Variants in PRPF4 observed in about 807,000 individuals in gnomAD.
PRPF4 encodes the protein U4/U6 small nuclear ribonucleoprotein Prp4.
In PRPF4, 14 loss-of-function variants were observed where a neutral mutation model predicts 72.2. The observed-to-expected ratio is 0.19, with a 90% CI of 0.13 to 0.30. PRPF4 has a LOEUF of 0.30. Ranked by LOEUF, PRPF4 falls within the 10% of genes least tolerant of loss-of-function variation. The probability of loss-of-function intolerance (pLI) is 1.00; values close to 1 mark genes in which losing one functional copy is unlikely to be tolerated. For synonymous variants in PRPF4, 225 were observed against 232.2 expected (o/e 0.97, Z 0.28); for missense variants, 478 against 653.9 (o/e 0.73, Z 2.93).
At chr9:113,283,340 C>T (rs1832337505) in intron 5 of PRPF4, 49 bp from the exon 6 acceptor site, 1 of 1,613,158 alleles carries the variant, frequency 6.2e-7, no homozygotes, top group Non-Finnish European at 8.5e-7. Flanking sequence ...ACATGTGGGT[C>T]CTTGTTTACA....
chr9:113,280,489 T>C (rs748848009), intron 3 of PRPF4, among the ~76,000 whole-genome samples: 1 of 152,226 alleles, frequency 6.6e-6, no homozygotes, highest in African/African-American at 2.4e-5. Context: ...TAGTTGAAAA[T>C]CTGCCTAGCC....
chr9:113,275,665 C>T lies in PRPF4; in HGVS notation c.-79C>T, dbSNP rs1832063199. ...GCACTTCCTGTCAGTGACGCACTTC[C>T]CCTCTGCTGGGCGCGCGGTGGACGG... On this transcript the variant is annotated 5_prime_UTR_variant, in exon 1 of 14. Transcript: ENST00000374198. 3 of 1,526,538 alleles carry T rather than the reference C, an allele frequency of 2.0e-6. No individual in the cohort carries two copies. The highest frequency in any genetic ancestry group is 2.4e-5 in the East Asian group (1 of 42,520). 94.6% of individuals were successfully genotyped at this position (1,526,538 alleles called of 1,614,324 possible).
rs754386040 is a variant in PRPF4, at chr9:113,286,724, A to C, written c.828A>C (p.Gly276=). 1 of 1,614,170 alleles carries C rather than the reference A, an allele frequency of 6.2e-7. No individual in the cohort carries two copies. Among genetic ancestry groups the C allele is most frequent in the Admixed American group, 1.7e-5 (1 of 60,028 alleles). The change falls in exon 9 of 14, where the codon GGA becomes GGC. Residue 276 remains glycine (G), a synonymous_variant. Coordinates refer to ENST00000374198, the MANE Select transcript of PRPF4 (RefSeq NM_001244926.2). The stretch of plus-strand genomic sequence containing the variant: ...CTTTAGGGCATAACACAAATGTAGG[A>C]GCAATTGTATTCCATCCCAAATCCA... ...HTLRGHNTNV[G]AIVFHPKSTV... is the part of the protein sequence containing the mutation.
chr9:113,277,264 AT>A (rs1438147223), intron 2 of PRPF4, among the ~76,000 whole-genome samples: 4 of 152,210 alleles, frequency 2.6e-5, no homozygotes, highest in Admixed American at 2.6e-4. Flanking sequence ...TTGGATTCAG[AT>A]TGATTCCATT....
At chr9:113,280,758 T>C (rs1258164844) in intron 3 of PRPF4, among the ~76,000 whole-genome samples, 2 of 152,264 alleles carry the variant, frequency 1.3e-5, no homozygotes, top group South Asian at 2.1e-4. Flanking sequence ...TTGGTCCTTA[T>C]GGAATATGCT....
chr9:113,285,395 T>A (rs1832407566), intron 7 of PRPF4, among the ~76,000 whole-genome samples: 1 of 95,204 alleles, frequency 1.1e-5, no homozygotes, highest in Non-Finnish European at 2.0e-5. Context: ...TTTTTTTTTT[T>A]TGAGACGGAG....
At chr9:113,279,400 G>C (rs1041075188) in intron 3 of PRPF4, among the ~76,000 whole-genome samples, 4 of 152,054 alleles carry the variant, frequency 2.6e-5, no homozygotes, top group African/African-American at 9.7e-5. Context: ...GTCTTGCTCT[G>C]TCACCCAGGC....
chr9:113,276,626 GAGA>G lies in PRPF4; in HGVS notation c.109_111del (p.Lys37del). ...ACACATCTATTATGGAAGTTTGGAA[GAGA>G]AGGAGAGGGAGCGTCTGGCCAAAGG... On this transcript the variant is annotated inframe_deletion, in exon 2 of 14. Transcript: ENST00000374198. 6.2e-7 allele frequency: 1 copy of G among 1,614,180 alleles called. No individual in the cohort carries two copies. Among genetic ancestry groups the G allele is most frequent in the Non-Finnish European group, 8.5e-7 (1 of 1,180,036 alleles).
At chr9:113,279,251 TAC>T (rs1250209977) in intron 3 of PRPF4, 120 bp downstream of exon 3, 11 of 941,168 alleles carry the variant, frequency 1.2e-5, no homozygotes, top group Non-Finnish European at 1.2e-5. Context: ...AACAATATCT[TAC>T]TGTGTTTATA....
At chr9:113,279,962 T>C (rs573561014) in intron 3 of PRPF4, among the ~76,000 whole-genome samples, 2 of 152,292 alleles carry the variant, frequency 1.3e-5, no homozygotes, top group East Asian at 1.9e-4. Flanking sequence ...CCCTCTGGTC[T>C]CTCTGTCCAC....
intron 13 of PRPF4, 22 bp downstream of exon 13, chr9:113,291,038 C>T (rs769930001): frequency 1.1e-5 from 17 of 1,588,140 alleles, no homozygotes; most frequent in Middle Eastern, 1.7e-4. Context: ...TCCTATTTTA[C>T]GTCTAAATGA....
At position 113,275,810 on chromosome 9, in the gene PRPF4, G is replaced by C; in HGVS notation, c.27+40G>C. 1.9e-6 allele frequency: 3 copies of C among 1,607,516 alleles called. No individual in the cohort carries two copies. The South Asian group carries it at 3.3e-5, about 18-fold the overall frequency. ...ATCCCAGCTCACTCTGGCAGGGAGC[G>C]CTAAGGGGGAAGGGGATCTCTGCGG... On this transcript the variant is annotated intron_variant, in intron 1 of 13. Transcript: ENST00000374198.
Position 113,283,457 on chromosome 9 carries a change from T to C in PRPF4, c.629T>C (p.Met210Thr). ...EIPETTRTSQ[M>T]QELHKSLRSL... ...CCTGAGACAACAAGGACCTCCCAGATGCAAGAGCTGCACAAGTCTCTCCGG... is the reference window on the plus strand; with the variant it reads ...CCTGAGACAACAAGGACCTCCCAGACGCAAGAGCTGCACAAGTCTCTCCGG... The change falls in exon 6 of 14, where the codon ATG (methionine) becomes ACG (threonine). Residue 210 changes from methionine to threonine, a missense_variant. Transcript: ENST00000374198. The C allele has an allele frequency of 6.2e-7, 1 of 1,614,122 alleles. No homozygotes were observed. The highest frequency in any genetic ancestry group is 8.5e-7 in the Non-Finnish European group (1 of 1,180,002).
chr9:113,291,167 C>A, intron 13 of PRPF4, 151 bp downstream of exon 13: 1 of 859,208 alleles, frequency 1.2e-6, no homozygotes, highest in South Asian at 1.5e-5. Flanking sequence ...TTCCTTCCCT[C>A]TGCCATACCC....
intron 1 of PRPF4, 112 bp from the exon 2 acceptor site, chr9:113,276,436 C>T: frequency 8.2e-7 from 1 of 1,215,924 alleles, no homozygotes; most frequent in Non-Finnish European, 1.2e-6. Flanking sequence ...TTTGTCCTTT[C>T]AATTACAGAG....
intron 3 of PRPF4, among the ~76,000 whole-genome samples, chr9:113,281,715 T>G (rs924918154): frequency 1.1e-4 from 16 of 152,206 alleles, no homozygotes; most frequent in Admixed American, 9.2e-4. Context: ...ACCCTCTGCC[T>G]GACATTTTCT....
chr9:113,286,264 A>T lies in PRPF4; in HGVS notation c.782A>T (p.Asp261Val). Reference sequence around the variant, plus strand: ...CTTTGCAAGCTCTGGTCTGTTCCTGATTGCAACCTCCTTCACACTCTTCGA... The same window carrying T: ...CTTTGCAAGCTCTGGTCTGTTCCTGTTTGCAACCTCCTTCACACTCTTCGA... ...SGLCKLWSVPDCNLLHTLRGH... is the reference protein window; with the variant it reads ...SGLCKLWSVPVCNLLHTLRGH... The change falls in exon 8 of 14, where the codon GAT becomes GTT. Residue 261 changes from aspartate to valine, a missense_variant. By Grantham distance (152) the Asp-to-Val change is radical (BLOSUM62 -3). Transcript: ENST00000374198. 2 of 1,613,592 alleles carry T rather than the reference A, an allele frequency of 1.2e-6. No homozygotes were observed. Among genetic ancestry groups the T allele is most frequent in the South Asian group, 1.1e-5 (1 of 91,080 alleles).
At position 113,288,183 on chromosome 9, in the gene PRPF4, C is replaced by T. The variant is rs587777599; in HGVS notation, c.941C>T (p.Pro314Leu). The T allele has an allele frequency of 2.5e-6, 4 of 1,614,076 alleles. No homozygotes were observed. Among genetic ancestry groups the T allele is most frequent in the Non-Finnish European group, 3.4e-6 (4 of 1,179,980 alleles). The change falls in exon 10 of 14, where the codon CCA becomes CTA. Residue 314 changes from proline (P) to leucine (L), a missense_variant. Physicochemically the swap from Pro to Leu is moderately conservative, Grantham distance 98. Transcript: ENST00000374198. ...GTTTGGTTCCTTTCCAGTGATGAAC[C>T]AGTGGCAGATATTGAAGGCCATACA... Reference protein sequence around the residue: ...VKLWSLDSDEPVADIEGHTVR... With the variant: ...VKLWSLDSDELVADIEGHTVR...
chr9:113,291,163 C>T, intron 13 of PRPF4, 147 bp downstream of exon 13: 1 of 881,258 alleles, frequency 1.1e-6, no homozygotes, highest in Non-Finnish European at 1.8e-6. Context: ...TAATTTCCTT[C>T]CCTCTGCCAT....
Sources: allele counts gnomAD v4.1 joint callset (sites outside exome capture counted in the v4.1 genomes callset), GRCh38; gene constraint gnomAD v4.1.1; transcripts MANE v1.5; gene names NCBI Gene and HGNC (gene_info 2026-07-23, HGNC 2026-07-21).